SMG6: variants seen among roughly 807,000 people sequenced by gnomAD.
The protein encoded by SMG6 is telomerase-binding protein EST1A.
Under a neutral mutation model 142.2 loss-of-function variants are expected in SMG6, and 66 were observed. The observed-to-expected ratio is 0.46, with a 90% CI of 0.38 to 0.57. The LOEUF (loss-of-function observed/expected upper bound fraction) is 0.57. Ranked by LOEUF, SMG6 falls within the 20% of genes least tolerant of loss-of-function variation. SMG6 has a pLI of 0.00. For missense variants in SMG6, 1,793 were observed against 1,832.0 expected (o/e 0.98, Z 0.39); for synonymous variants, 779 against 702.4 (o/e 1.11, Z -1.72).
Position 2,126,893 on chromosome 17 carries a change from C to T in SMG6, c.3358-40992G>A, listed in dbSNP as rs538341494. On this transcript the variant is annotated intron_variant, in intron 13 of 18. Coordinates refer to ENST00000263073, the MANE Select transcript of SMG6 (RefSeq NM_017575.5). Reference sequence around the variant, plus strand: ...CATGGGGAGACCCTATTTCTACACACACACGCACACACATGCACACAGACA... The same window carrying T: ...CATGGGGAGACCCTATTTCTACACATACACGCACACACATGCACACAGACA... 1.3e-3 allele frequency among the ~76,000 whole-genome samples: 168 copies of T among 133,020 alleles called. 1 individual carries two copies. Among genetic ancestry groups the T allele is most frequent in the Non-Finnish European group, 2.3e-3 (145 of 62,950 alleles). 87.3% of individuals were successfully genotyped at this position (133,020 alleles called of 152,430 possible). A position where few individuals can be genotyped will look rare whatever the true frequency, so the allele number is the denominator to read the frequency against.
At chr17:2,080,682 C>A (rs1343893343) in intron 15 of SMG6, among the ~76,000 whole-genome samples, 1 of 151,572 alleles carries the variant, frequency 6.6e-6, no homozygotes, top group Non-Finnish European at 1.5e-5. Flanking sequence ...GTAGCCCAGG[C>A]TGGAGTGCAA....
At chr17:2,199,280 A>C (rs2151717864) in intron 10 of SMG6, among the ~76,000 whole-genome samples, 1 of 152,340 alleles carries the variant, frequency 6.6e-6, no homozygotes, top group East Asian at 1.9e-4. Context: ...TTCTTCATAA[A>C]GGAAACTACT....
At chr17:2,081,686 G>C (rs913152837) in intron 15 of SMG6, 124 bp downstream of exon 15, 8 of 1,178,560 alleles carry the variant, frequency 6.8e-6, no homozygotes, top group African/African-American at 4.5e-5. Context: ...GGTAGAGCTA[G>C]AGAGAACACT....
At chr17:2,226,932 G>A (rs1157082277) in intron 10 of SMG6, among the ~76,000 whole-genome samples, 1 of 152,112 alleles carries the variant, frequency 6.6e-6, no homozygotes, top group Non-Finnish European at 1.5e-5. Flanking sequence ...GTGGGCAAGA[G>A]ATGTAAACAC....
chr17:2,256,951 G>GGTAT (rs66868460), intron 8 of SMG6, among the ~76,000 whole-genome samples: 3,573 of 151,308 alleles, frequency 0.024, 146 homozygotes, highest in East Asian at 0.16. Context: ...CCCAGACAAA[G>GGTAT]GTATGTATGT....
intron 8 of SMG6, among the ~76,000 whole-genome samples, chr17:2,247,620 TCTA>T (rs2073953440): frequency 6.6e-6 from 1 of 151,830 alleles, no homozygotes. Context: ...AAACCCTGTC[TCTA>T]CTAAAAATAC....
intron 13 of SMG6, among the ~76,000 whole-genome samples, chr17:2,172,094 C>G (rs2071521036): frequency 6.6e-6 from 1 of 152,158 alleles, no homozygotes; most frequent in Non-Finnish European, 1.5e-5. Flanking sequence ...TTTCTATAAA[C>G]AGACAGGCAA....
At position 2,065,106 on chromosome 17, in the gene SMG6, CTT is replaced by C; in HGVS notation, c.4094_4095del (p.Lys1365ArgfsTer4). On this transcript the variant is annotated frameshift_variant, in exon 18 of 19. Transcript: ENST00000263073. LOFTEE classifies it high-confidence loss of function. Reference protein sequence around the residue: ...LILSCCLHYCKDKAKDFMPAS... With the variant: ...LILSCCLHYCXDKAKDFMPAS... ...GCGGGCATGAAGTCCTTAGCCTTGTCTTTGCAGTAGTGGAGGCAGCAGGACAG... is the reference window on the plus strand; with the variant it reads ...GCGGGCATGAAGTCCTTAGCCTTGTCTGCAGTAGTGGAGGCAGCAGGACAG... The C allele has an allele frequency of 6.2e-7, 1 of 1,613,936 alleles. No individual in the cohort carries two copies. Among genetic ancestry groups the C allele is most frequent in the Non-Finnish European group, 8.5e-7 (1 of 1,179,870 alleles).
At chr17:2,268,944 C>T (rs2074485048) in intron 8 of SMG6, among the ~76,000 whole-genome samples, 1 of 146,702 alleles carries the variant, frequency 6.8e-6, no homozygotes, top group African/African-American at 2.5e-5. Flanking sequence ...GTGGCTCACG[C>T]CTGTAATCCC....
At chr17:2,192,937 G>C (rs2072211205) in intron 10 of SMG6, among the ~76,000 whole-genome samples, 1 of 152,238 alleles carries the variant, frequency 6.6e-6, no homozygotes, top group Non-Finnish European at 1.5e-5. Flanking sequence ...CAGAACGAAT[G>C]AGTCAGCAGA....
chr17:2,275,615 G>C (rs2074631846), intron 8 of SMG6, among the ~76,000 whole-genome samples: 1 of 152,152 alleles, frequency 6.6e-6, no homozygotes, highest in Admixed American at 6.6e-5. Flanking sequence ...AATGATTTCT[G>C]ATGCTGTAAT....
At chr17:2,201,290 AC>A (rs2072513110) in intron 10 of SMG6, among the ~76,000 whole-genome samples, 1 of 152,240 alleles carries the variant, frequency 6.6e-6, no homozygotes, top group South Asian at 2.1e-4. Flanking sequence ...TCAAAATCAC[AC>A]ATACAACTCC....
intron 13 of SMG6, among the ~76,000 whole-genome samples, chr17:2,144,419 C>G (rs1041694291): frequency 1.3e-5 from 2 of 151,926 alleles, no homozygotes; most frequent in African/African-American, 2.4e-5. Flanking sequence ...GTTTCCCGGG[C>G]GGGTCTGGAA....
chr17:2,062,465 A>G (rs1299684141), intron 18 of SMG6: 1 of 151,926 alleles, frequency 6.6e-6, no homozygotes, highest in Non-Finnish European at 1.5e-5. Flanking sequence ...AGGTCTTGCT[A>G]TAGTGGCACA....
At chr17:2,122,885 C>A (rs914002589) in intron 13 of SMG6, among the ~76,000 whole-genome samples, 3 of 152,238 alleles carry the variant, frequency 2.0e-5, no homozygotes, top group Non-Finnish European at 4.4e-5. Flanking sequence ...AGACTGAGCA[C>A]AGAGGGGCCC....
At position 2,237,621 on chromosome 17, in the gene SMG6, C is replaced by T. The variant is rs144790827; in HGVS notation, c.2724-984G>A. On this transcript the variant is annotated intron_variant, in intron 9 of 18. Coordinates refer to ENST00000263073, the MANE Select transcript of SMG6 (RefSeq NM_017575.5). ...GAAATAGAATGCCCTGGCCAAGTGC[C>T]ACTCCCAATACAGGAAGAGGCTGTA... 60 of 936,668 alleles carry T rather than the reference C, an allele frequency of 6.4e-5. No homozygotes were observed. The South Asian group carries it at 7.9e-4, about 12-fold the overall frequency. 58.0% of individuals were successfully genotyped at this position (936,668 alleles called of 1,614,324 possible).
At chr17:2,237,625 C>T in intron 9 of SMG6, 2 of 907,068 alleles carry the variant, frequency 2.2e-6, no homozygotes, top group African/African-American at 1.8e-5. Flanking sequence ...AAGTGCCACT[C>T]CCAATACAGG....
At chr17:2,273,013 GC>G (rs142913791) in intron 8 of SMG6, among the ~76,000 whole-genome samples, 64,849 of 151,742 alleles carry the variant, frequency 0.43, 15,164 homozygotes, top group African/African-American at 0.63. Flanking sequence ...GTCTCACGTG[GC>G]CCCCACACCA....
At position 2,292,890 on chromosome 17, in the gene SMG6, T is replaced by G; in HGVS notation, c.2239A>C (p.Asn747His). 2 of 1,614,042 alleles carry G rather than the reference T, an allele frequency of 1.2e-6. No individual in the cohort carries two copies. The highest frequency in any genetic ancestry group is 1.7e-6 in the Non-Finnish European group (2 of 1,179,928). ...AAGTACCTGCGTGCTTTCCCATAAT[T>G]CGCTGTATCACTGGCTTGCTCCCGG... ...RYREQASDTA[N>H]YGKARSWYLK... The change falls in exon 5 of 19, where the codon AAT becomes CAT. Residue 747 changes from asparagine to histidine, a missense_variant. This residue lies in a region of SMG6 where 1,597 missense variants were observed against 1,584.6 expected (regional missense o/e 1.01). Coordinates refer to ENST00000263073, the MANE Select transcript of SMG6 (RefSeq NM_017575.5).
Sources: gnomAD v4.1 joint callset for allele counts (sites outside exome capture counted in the v4.1 genomes callset) on GRCh38, gnomAD v4.1.1 for gene constraint, gnomAD v4.1.1 regional missense constraint, MANE v1.5 for transcripts, NCBI Gene and HGNC (gene_info 2026-07-23, HGNC 2026-07-21) for gene names.